Variants in PPEF1 observed in about 807,000 individuals in gnomAD.
The protein encoded by PPEF1 is protein phosphatase with EF-hand domain 1, also known as serine/threonine-protein phosphatase with EF-hands 1.
Under a neutral mutation model 53.3 loss-of-function variants are expected in PPEF1, and 12 were observed. The ratio of observed to expected loss-of-function variants is 0.23; its 90% CI spans 0.14 to 0.36. The LOEUF is 0.36. Ranked by LOEUF, PPEF1 falls within the 10% of genes least tolerant of loss-of-function variation. The pLI, the probability that PPEF1 is intolerant of heterozygous loss-of-function variation, is 1.00. For missense variants in PPEF1, 334 were observed against 490.4 expected (o/e 0.68, Z 3.01); for synonymous variants, 165 against 176.7 (o/e 0.93, Z 0.52).
chrX:18,818,090 T>A lies in PPEF1; in HGVS notation c.1446T>A (p.Ile482=). The A allele has an allele frequency of 8.3e-7, 1 of 1,207,543 alleles. No homozygotes were observed. ...TCAAGATATTAAGAGAGAGAGTGAT[T>A]TCACGAAAAAGTGACCTTACTCGTG... is the stretch of plus-strand genomic sequence containing the variant. The part of the protein sequence containing the change: ...SAIKILRERV[I]SRKSDLTRAF... Residue 482 remains isoleucine, a synonymous_variant, in exon 13 of 16, where the codon ATT becomes ATA. Coordinates refer to ENST00000470157, the MANE Select transcript of PPEF1 (RefSeq NM_001377996.1).
rs529691909 is a variant in PPEF1, at chrX:18,685,905, A to G, written c.-519-233A>G. On this transcript the variant is annotated intron_variant, in intron 2 of 21. Transcript: ENST00000361511. ...AAAAGAACAAAAACAAAACACTTTC[A>G]ACTGGCTGACTTTTTTTTTCTTTCA... Among the ~76,000 whole-genome samples the G allele has an allele frequency of 4.2e-3, 469 of 111,546 alleles. 3 individuals are homozygous for G. Among genetic ancestry groups the G allele is most frequent in the Middle Eastern group, 0.023 (5 of 218 alleles).
chrX:18,725,170 G>A, intron 1 of PPEF1, among the ~76,000 whole-genome samples: 1 of 111,301 alleles, frequency 9.0e-6, no homozygotes, highest in Non-Finnish European at 1.9e-5. Context: ...CCTCTGAGAT[G>A]AGCTCATCGG....
chrX:18,733,280 G>A (rs1260246025), intron 2 of PPEF1, among the ~76,000 whole-genome samples: 1 of 111,998 alleles, frequency 8.9e-6, no homozygotes, highest in Non-Finnish European at 1.9e-5. Flanking sequence ...TAGAAGCAGA[G>A]GCTGAGACAG....
intron 1 of PPEF1, among the ~76,000 whole-genome samples, chrX:18,711,480 T>C (rs1310796842): frequency 7.2e-5 from 8 of 111,860 alleles, no homozygotes; most frequent in Non-Finnish European, 1.5e-4. Flanking sequence ...AAAAAAGTTT[T>C]GTACTTTTAG....
At chrX:18,705,816 C>T (rs1224899796), upstream of PPEF1, among the ~76,000 whole-genome samples, 1 of 112,224 alleles carries the variant, frequency 8.9e-6, no homozygotes, top group African/African-American at 3.2e-5. Flanking sequence ...AATCTGTTTA[C>T]TAAGCTTATT....
chrX:18,700,827 C>T lies in PPEF1; in HGVS notation c.-123+392C>T, dbSNP rs780965441. On this transcript the variant is annotated intron_variant, in intron 6 of 21. Coordinates refer to the PPEF1 transcript ENST00000361511. The stretch of plus-strand genomic sequence containing the variant: ...AATCTTCCTTTAGTTCCCTTGGCGT[C>T]TTGTCGTCTTAGAGGTTTCTAGCTA... 7.1e-5 allele frequency among the ~76,000 whole-genome samples: 8 copies of T among 112,298 alleles called. No individual in the cohort carries two copies. The East Asian group carries it at 2.3e-3, about 32-fold the overall frequency.
chrX:18,826,422 T>C (rs2047166735), intron 15 of PPEF1, among the ~76,000 whole-genome samples: 1 of 79,653 alleles, frequency 1.3e-5, no homozygotes. Context: ...TTCTGCTTTT[T>C]TTTTTTTTTT....
At chrX:18,808,186 C>T (rs139404939) in intron 12 of PPEF1, among the ~76,000 whole-genome samples, 2,705 of 106,488 alleles carry the variant, frequency 0.025, 92 homozygotes, top group African/African-American at 0.088. Context: ...AGGATGGTCT[C>T]GATCTCTTGA....
At chrX:18,780,373 A>G (rs2046058807) in intron 7 of PPEF1, among the ~76,000 whole-genome samples, 1 of 112,372 alleles carries the variant, frequency 8.9e-6, no homozygotes, top group Admixed American at 9.5e-5. Context: ...CAACTTATGC[A>G]GAGCTCAGGA....
chrX:18,779,159 T>C lies in PPEF1; in HGVS notation c.708T>C (p.Asp236=), dbSNP rs1181046478. 1.7e-6 allele frequency: 2 copies of C among 1,202,538 alleles called. No homozygotes were observed. Among genetic ancestry groups the C allele is most frequent in the Admixed American group, 2.2e-5 (1 of 44,914 alleles). Residue 236 remains aspartate (D), a synonymous_variant, in exon 7 of 16, where the codon GAT becomes GAC. Coordinates refer to ENST00000470157, the MANE Select transcript of PPEF1 (RefSeq NM_001377996.1). ...DLHLNRGNHE[D]FMMNLRYGFT... ...ACTTGAACAGAGGGAACCACGAAGA[T>C]TTTATGATGAATCTGAGGTAACCCA...
chrX:18,821,772 AGAGAGAGAGAGAGAGAGAGAGAGAGAGAG>A (rs2047055976), intron 13 of PPEF1, among the ~76,000 whole-genome samples: 15 of 75,699 alleles, frequency 2.0e-4, no homozygotes, highest in African/African-American at 8.6e-4. Context: ...AGAGAGAGAG[AGAGAGAGAGAGAGAGAGAGAGAGAGAGAG>A]AGAAAACAAA....
intron 13 of PPEF1, among the ~76,000 whole-genome samples, chrX:18,818,506 G>A (rs2046965633): frequency 9.1e-6 from 1 of 109,513 alleles, no homozygotes. Context: ...AAGTAGCTAG[G>A]ATTATAGGCA....
intron 12 of PPEF1, among the ~76,000 whole-genome samples, 176 bp from the exon 13 acceptor site, chrX:18,817,863 G>GCA (rs1037264546): frequency 1.8e-5 from 2 of 110,453 alleles, no homozygotes; most frequent in Non-Finnish European, 3.8e-5. Flanking sequence ...ATGTGTGCAT[G>GCA]CACACACACA....
upstream of PPEF1, among the ~76,000 whole-genome samples, chrX:18,706,017 C>T (rs1161905594): frequency 9.4e-6 from 1 of 105,871 alleles, no homozygotes; most frequent in East Asian, 3.0e-4. Flanking sequence ...CCTGTGATCC[C>T]AGCACTTTGG....
chrX:18,781,476 T>G lies in PPEF1; in HGVS notation c.726-890T>G, dbSNP rs145235144. ...AGCCAGGAGGAAAACCAAGAGAGTT[T>G]ATGGTCACAGAATCCAAGGAAAGAA... On this transcript the variant is annotated intron_variant, in intron 7 of 15. Coordinates refer to ENST00000470157, the MANE Select transcript of PPEF1 (RefSeq NM_001377996.1). 7.7e-3 allele frequency among the ~76,000 whole-genome samples: 858 copies of G among 111,120 alleles called. 6 individuals are homozygous for G. The highest frequency in any genetic ancestry group is 0.014 in the Middle Eastern group (3 of 217).
chrX:18,804,559 G>A (rs7876273), intron 11 of PPEF1, among the ~76,000 whole-genome samples: 3,208 of 111,078 alleles, frequency 0.029, 107 homozygotes, highest in African/African-American at 0.098. Context: ...CGCCTGCCTC[G>A]GCTTCCCAAA....
At chrX:18,680,980 T>G (rs187454288), upstream of PPEF1, among the ~76,000 whole-genome samples, 3 of 111,549 alleles carry the variant, frequency 2.7e-5, no homozygotes, top group Admixed American at 9.5e-5. Flanking sequence ...TATTCTATGG[T>G]GTATATGTGC....
At chrX:18,782,518 G>A in intron 8 of PPEF1, 116 bp downstream of exon 8, 1 of 517,792 alleles carries the variant, frequency 1.9e-6, no homozygotes, top group Non-Finnish European at 3.1e-6. Flanking sequence ...AGGCCAACTA[G>A]TCAGAATGCA....
intron 7 of PPEF1, 72 bp from the exon 8 acceptor site, chrX:18,782,294 T>G: frequency 1.1e-6 from 1 of 882,683 alleles, no homozygotes; most frequent in Non-Finnish European, 1.6e-6. Context: ...TGCCAAGGGC[T>G]TCCCTTTTTG....
Sources: allele counts gnomAD v4.1 joint callset (sites outside exome capture counted in the v4.1 genomes callset), GRCh38; gene constraint gnomAD v4.1.1; transcripts MANE v1.5; gene names NCBI Gene and HGNC (gene_info 2026-07-23, HGNC 2026-07-21).